GUSB: variants seen among roughly 807,000 people sequenced by gnomAD.
GUSB encodes glucuronidase beta.
GUSB carries 51 observed loss-of-function variants against 74.6 expected under a neutral mutation model. The ratio of observed to expected loss-of-function variants is 0.68; its 90% confidence interval spans 0.55 to 0.86. GUSB has a LOEUF of 0.86. Ranked by LOEUF, GUSB falls within the 40% of genes least tolerant of loss-of-function variation. The pLI, the probability that GUSB is intolerant of heterozygous loss-of-function variation, is 0.00. For synonymous variants in GUSB, 360 were observed against 348.3 expected, an observed-to-expected ratio of 1.03 and a Z score of -0.37; for missense variants, 736 against 853.7, an observed-to-expected ratio of 0.86 and a Z score of 1.72.
intron 3 of GUSB, 31 bp downstream of exon 3, chr7:65,979,696 G>C (rs376583332): frequency 1.9e-6 from 3 of 1,605,800 alleles, no homozygotes; most frequent in Non-Finnish European, 2.6e-6. Context: ...GGGAAGGTGG[G>C]TGTGTGCAAT....
At chr7:65,965,014 A>G (rs1315605329) in intron 10 of GUSB, among the ~76,000 whole-genome samples, 1 of 152,032 alleles carries the variant, frequency 6.6e-6, no homozygotes, top group Non-Finnish European at 1.5e-5. Flanking sequence ...AGCGACAGTG[A>G]GCTGTGTTCA....
At position 65,982,077 on chromosome 7, in the gene GUSB, C is replaced by T. The variant is rs1264172545; in HGVS notation, c.107G>A (p.Arg36Gln). 1.9e-6 allele frequency: 3 copies of T among 1,607,852 alleles called. No individual in the cohort carries two copies. Among genetic ancestry groups the T allele is most frequent in the East Asian group, 4.5e-5 (2 of 44,584 alleles). ...GAGGCCGTCCAGCTCCTTGCACTCC[C>T]GCGACGGGCTCTCCTGGGGGTACAG... Reference protein sequence around the residue: ...GMLYPQESPSRECKELDGLWS... With the variant: ...GMLYPQESPSQECKELDGLWS... The change falls in exon 1 of 12, where the codon CGG (arginine) becomes CAG (glutamine). Residue 36 changes from arginine to glutamine, a missense_variant. Physicochemically the swap from Arg to Gln is conservative, Grantham distance 43. Around this residue, in one of 2 missense-constraint regions of GUSB, gnomAD observed 368 missense variants for 363.8 expected, o/e 1.01. Transcript: ENST00000304895.
rs1264921076 is a variant in GUSB at position 65,965,113 on chromosome 7, C to T, written c.1654-655G>A. On this transcript the variant is annotated intron_variant, in intron 10 of 11. Transcript: ENST00000304895. Reference sequence around the variant, plus strand: ...TATAAAAATTAAATTAAATTAAACTCAACCAAACCAGGCTGGGCATGGTAC... The same window carrying T: ...TATAAAAATTAAATTAAATTAAACTTAACCAAACCAGGCTGGGCATGGTAC... Among the ~76,000 whole-genome samples, 17 of 151,448 alleles carry T rather than the reference C, an allele frequency of 1.1e-4. No individual in the cohort carries two copies. The East Asian group carries it at 3.1e-3, about 28-fold the overall frequency.
Position 65,979,828 on chromosome 7 carries a change from C to G in GUSB, c.480G>C (p.Gly160=). 6.2e-7 allele frequency: 1 copy of G among 1,613,584 alleles called. No homozygotes were observed. Among genetic ancestry groups the G allele is most frequent in the South Asian group, 1.1e-5 (1 of 91,078 alleles). Residue 160 remains glycine, a synonymous_variant, in exon 3 of 12, where the codon GGG becomes GGC. Coordinates refer to ENST00000304895, the MANE Select transcript of GUSB (RefSeq NM_000181.4). ...EADISNLVQV[G]PLPSRLRITI... Reference sequence around the variant, plus strand: ...TGATTCGGAGCCGGGAGGGCAGGGGCCCCACCTGGACCAGGTTGCTGATGT... The same window carrying G: ...TGATTCGGAGCCGGGAGGGCAGGGGGCCCACCTGGACCAGGTTGCTGATGT...
At chr7:65,969,993 C>T (rs1302285767) in intron 9 of GUSB, among the ~76,000 whole-genome samples, 3 of 152,144 alleles carry the variant, frequency 2.0e-5, no homozygotes, top group Non-Finnish European at 4.4e-5. Flanking sequence ...TTCTCATTAA[C>T]CCAAAGACCA....
In GUSB at chr7:65,980,305, C is replaced by A. The variant is rs1791917360; in HGVS notation, c.315G>T (p.Val105=). The A allele has an allele frequency of 4.3e-6, 7 of 1,613,594 alleles. No homozygotes were observed. Among genetic ancestry groups the A allele is most frequent in the East Asian group, 2.2e-5 (1 of 44,844 alleles). ...FVGWVWYERE[V]ILPERWTQDL... ...CCTGGGTCCATCGCTCCGGCAGGAT[C>A]ACCTCCCGTTCGTACCACACCCAGC... The change falls in exon 2 of 12, where the codon GTG becomes GTT. Residue 105 remains valine, a synonymous_variant. Coordinates refer to ENST00000304895, the MANE Select transcript of GUSB (RefSeq NM_000181.4).
chr7:65,967,602 G>A lies in GUSB; in HGVS notation c.1653+129C>T, dbSNP rs534226705. 7.8e-4 allele frequency: 624 copies of A among 797,042 alleles called. 3 individuals are homozygous for A. The highest frequency in any genetic ancestry group is 5.4e-3 in the South Asian group (396 of 72,788). 49.4% of individuals were successfully genotyped at this position (797,042 alleles called of 1,614,324 possible). On this transcript the variant is annotated intron_variant, in intron 10 of 11. Transcript: ENST00000304895. ...CTGTTGGCGGTGAGGGAACGTGGAC[G>A]GGGCCGTGGGAGGAGAGCCCAAAGC...
intron 1 of GUSB, among the ~76,000 whole-genome samples, chr7:65,981,160 G>C (rs1192945366): frequency 6.6e-6 from 1 of 151,990 alleles, no homozygotes; most frequent in Non-Finnish European, 1.5e-5. Context: ...ATGGCTTGAG[G>C]CCAGGAGTTC....
At position 65,964,307 on chromosome 7, in the gene GUSB, C is replaced by T; in HGVS notation, c.1789+16G>A. 1.2e-6 allele frequency: 2 copies of T among 1,608,902 alleles called. No individual in the cohort carries two copies. Among genetic ancestry groups the T allele is most frequent in the South Asian group, 1.1e-5 (1 of 90,916 alleles). Reference sequence around the variant, plus strand: ...GAGGACGGGTACGTTATCCCATGAGCCAAACTGCCACTTACACTGTTCAGT... The same window carrying T: ...GAGGACGGGTACGTTATCCCATGAGTCAAACTGCCACTTACACTGTTCAGT... On this transcript the variant is annotated intron_variant, in intron 11 of 11. Transcript: ENST00000304895.
intron 1 of GUSB, 83 bp downstream of exon 1, chr7:65,981,891 G>T: frequency 8.1e-7 from 1 of 1,237,812 alleles, no homozygotes; most frequent in South Asian, 1.4e-5. Context: ...ACGCCCAGGG[G>T]AAGAAGTCTG....
chr7:65,977,839 C>A (rs1562691653), intron 4 of GUSB, among the ~76,000 whole-genome samples: 1 of 151,802 alleles, frequency 6.6e-6, no homozygotes, highest in Non-Finnish European at 1.5e-5. Context: ...GACATGGAGT[C>A]TCGCTCTGTC....
At chr7:65,969,312 G>A (rs1383937631) in intron 9 of GUSB, among the ~76,000 whole-genome samples, 4 of 152,078 alleles carry the variant, frequency 2.6e-5, no homozygotes, top group Admixed American at 6.6e-5. Flanking sequence ...CTGGGAGGAC[G>A]AGGTTGCAGC....
Position 65,970,381 on chromosome 7 carries a change from C to G in GUSB, c.1392-15G>C. On this transcript the variant is annotated splice_polypyrimidine_tract_variant and intron_variant, in intron 8 of 11. Transcript: ENST00000304895. Reference sequence around the variant, plus strand: ...CGATCACCATCCTGTCCACAAAAGGCAGAAGAAACAGGTTCCATCAGTCCA... The same window carrying G: ...CGATCACCATCCTGTCCACAAAAGGGAGAAGAAACAGGTTCCATCAGTCCA... 1 of 1,579,096 alleles carries G rather than the reference C, an allele frequency of 6.3e-7. No homozygotes were observed. Among genetic ancestry groups the G allele is most frequent in the Non-Finnish European group, 8.7e-7 (1 of 1,148,714 alleles).
In GUSB at chr7:65,982,130, G is replaced by A. The variant is rs759514074; in HGVS notation, c.54C>T (p.Gly18=). Residue 18 remains glycine, a synonymous_variant, in exon 1 of 12, where the codon GGC becomes GGT. Transcript: ENST00000304895. ...AWAALGPLLW[G]CALGLQGGML... is the part of the protein sequence containing the mutation. ...TCCCGCCCTGCAGCCCCAGCGCGCAGCCCCACAACAACGGCCCGAGCGCCG... is the reference window on the plus strand; with the variant it reads ...TCCCGCCCTGCAGCCCCAGCGCGCAACCCCACAACAACGGCCCGAGCGCCG... The A allele has an allele frequency of 4.2e-5, 66 of 1,565,140 alleles. No individual in the cohort carries two copies. In the African/African-American group the frequency reaches 6.8e-4, roughly 16 times the overall value.
intron 9 of GUSB, 22 bp downstream of exon 9, chr7:65,970,258 TGG>T: frequency 6.7e-7 from 1 of 1,482,904 alleles, no homozygotes; most frequent in Non-Finnish European, 9.4e-7. Context: ...CAGGGAGAAG[TGG>T]GGTGGGGACC....
At position 65,979,449 on chromosome 7, in the gene GUSB, G is replaced by C. The variant is rs773636939; in HGVS notation, c.674C>G (p.Thr225Ser). The C allele has an allele frequency of 1.2e-6, 2 of 1,613,974 alleles. No individual in the cohort carries two copies. Among genetic ancestry groups the C allele is most frequent in the Non-Finnish European group, 8.5e-7 (1 of 1,179,850 alleles). ...GACGGTGATGTCATCGATGTAGGTGGTGGGTGTCGTGTACAGAAGTACAGA... is the reference window on the plus strand; with the variant it reads ...GACGGTGATGTCATCGATGTAGGTGCTGGGTGTCGTGTACAGAAGTACAGA... ...QRSVLLYTTP[T>S]TYIDDITVTT... Residue 225 changes from threonine (T) to serine (S), a missense_variant, in exon 4 of 12, where the codon ACC becomes AGC. Around this residue, in one of 2 missense-constraint regions of GUSB, gnomAD observed 368 missense variants for 363.8 expected, o/e 1.01. Transcript: ENST00000304895.
At chr7:65,978,081 A>G (rs1237089131) in intron 4 of GUSB, among the ~76,000 whole-genome samples, 1 of 151,852 alleles carries the variant, frequency 6.6e-6, no homozygotes, top group East Asian at 2.0e-4. Flanking sequence ...AAGTGCTGGG[A>G]TTACAGGCAT....
chr7:65,974,772 C>G, intron 6 of GUSB, 68 bp from the exon 7 acceptor site: 1 of 1,579,210 alleles, frequency 6.3e-7, no homozygotes, highest in Non-Finnish European at 8.7e-7. Context: ...GAGCCAGGAC[C>G]CTGGAGAGCC....
chr7:65,973,708 G>A (rs1263527341), intron 8 of GUSB, among the ~76,000 whole-genome samples: 1 of 152,148 alleles, frequency 6.6e-6, no homozygotes, highest in African/African-American at 2.4e-5. Flanking sequence ...AGTGAGCTGA[G>A]ATCATGCCCC....
Sources: gnomAD v4.1 joint callset for allele counts (sites outside exome capture counted in the v4.1 genomes callset) on GRCh38, gnomAD v4.1.1 for gene constraint, gnomAD v4.1.1 regional missense constraint, MANE v1.5 for transcripts, NCBI Gene and HGNC (gene_info 2026-07-23, HGNC 2026-07-21) for gene names.